OXNAD1: variants seen among roughly 807,000 people sequenced by gnomAD.
The protein encoded by OXNAD1 is oxidoreductase NAD binding domain containing 1.
In OXNAD1, 34 loss-of-function variants were observed where a neutral mutation model predicts 32.9. The ratio of observed to expected loss-of-function variants is 1.03; its 90% CI spans 0.79 to 1.38. The LOEUF (loss-of-function observed/expected upper bound fraction) is 1.38, where lower values mean the gene tolerates loss of function less well. OXNAD1 is among the 40% of genes most tolerant of loss of function. OXNAD1 has a pLI of 0.00. For synonymous variants in OXNAD1, 134 were observed against 135.2 expected (o/e 0.99, Z 0.06); for missense variants, 407 against 379.4 (o/e 1.07, Z -0.60).
chr3:16,286,204 G>A, intron 4 of OXNAD1, 138 bp from the exon 5 acceptor site: 1 of 637,536 alleles, frequency 1.6e-6, no homozygotes, highest in Non-Finnish European at 2.8e-6. Context: ...CTAAAGCAAA[G>A]TGTGTTTTAC....
intron 4 of OXNAD1, among the ~76,000 whole-genome samples, chr3:16,274,590 C>T (rs1168253257): frequency 1.3e-5 from 2 of 152,032 alleles, no homozygotes; most frequent in Admixed American, 6.5e-5. Context: ...CCTGTTCTAA[C>T]AAAATTATCT....
At position 16,344,430 on chromosome 3, in the gene OXNAD1, T is replaced by C. The variant is rs116023846; in HGVS notation, c.*31-4746T>C. On this transcript the variant is annotated intron_variant, in intron 9 of 9. Transcript: ENST00000606098. The surrounding 1 kb of genome is among the most constrained non-coding windows in gnomAD (Gnocchi z 4.4). The stretch of plus-strand genomic sequence containing the variant: ...CAGATACATTCAGAAAAGGCGGCTC[T>C]GGTTGACACTGGCATGGGTGGGTGG... 0.02 allele frequency among the ~76,000 whole-genome samples: 2,989 copies of C among 152,252 alleles called. 98 individuals carry two copies. Among genetic ancestry groups the C allele is most frequent in the African/African-American group, 0.067 (2,787 of 41,502 alleles).
Position 16,303,447 on chromosome 3 carries a change from CA to C in OXNAD1, c.828del (p.Glu277ArgfsTer12). 6.2e-7 allele frequency: 1 copy of C among 1,613,934 alleles called. No individual in the cohort carries two copies. The highest frequency in any genetic ancestry group is 8.5e-7 in the Non-Finnish European group (1 of 1,179,890). ...GAGAAGGAGATAAGAGATCATATTT[CA>C]AAAGAGACTTTGTTCTATATTTGTG... ...ITEKEIRDHI[S>X]KETLFYICGP... On this transcript the variant is annotated frameshift_variant, in exon 9 of 9. Transcript: ENST00000285083. LOFTEE classifies it high-confidence loss of function. The surrounding 1 kb of genome is among the most constrained non-coding windows in gnomAD (Gnocchi z 4.8).
At chr3:16,286,238 C>T (rs2066060802) in intron 4 of OXNAD1, 104 bp from the exon 5 acceptor site, 1 of 867,144 alleles carries the variant, frequency 1.2e-6, no homozygotes, top group Non-Finnish European at 1.8e-6. Flanking sequence ...TTTCAAAAAC[C>T]ACATCTTTGT....
At position 16,316,688 on chromosome 3, in the gene OXNAD1, G is replaced by T; in HGVS notation, c.*30+13096G>T. On this transcript the variant is annotated intron_variant, in intron 9 of 9. Transcript: ENST00000435829. The surrounding 1 kb of genome is among the most constrained non-coding windows in gnomAD (Gnocchi z 4.5). ...AGGAACCTGGCCCTGGGAGGGCTCA[G>T]GTGAGCTCACAAGGAGAGGTCAAGC... The T allele has an allele frequency of 1.1e-6, 1 of 951,668 alleles. No homozygotes were observed. The highest frequency in any genetic ancestry group is 1.6e-6 in the Non-Finnish European group (1 of 612,376). The allele number at this position is 951,668 out of a possible 1,614,324, so 59.0% of individuals were successfully genotyped here.
At chr3:16,274,759 A>G (rs905864444) in intron 4 of OXNAD1, among the ~76,000 whole-genome samples, 1 of 152,222 alleles carries the variant, frequency 6.6e-6, no homozygotes, top group African/African-American at 2.4e-5. Context: ...CGTCTGTTTC[A>G]GGTTCTTTTG....
In OXNAD1 at chr3:16,288,247, G is replaced by C. The variant is rs888977808; in HGVS notation, c.290+1799G>C. Among the ~76,000 whole-genome samples the C allele has an allele frequency of 1.3e-5, 2 of 152,154 alleles. No individual in the cohort carries two copies. The highest frequency in any genetic ancestry group is 2.1e-4 in the South Asian group (1 of 4,824). ...AGCCATGTGGTACTTTGGAGAAGAGGGCAAGGATTAGGGATAGGAAGTGAG... is the reference window on the plus strand; with the variant it reads ...AGCCATGTGGTACTTTGGAGAAGAGCGCAAGGATTAGGGATAGGAAGTGAG... On this transcript the variant is annotated intron_variant, in intron 5 of 8. Transcript: ENST00000285083. The surrounding 1 kb of genome is among the most constrained non-coding windows in gnomAD (Gnocchi z 5.1).
At chr3:16,350,822 C>A (rs2072048481), downstream of OXNAD1, among the ~76,000 whole-genome samples, 1 of 152,082 alleles carries the variant, frequency 6.6e-6, no homozygotes, top group African/African-American at 2.4e-5. Context: ...AGACTATGAT[C>A]TCAGAACCAA....
intron 1 of OXNAD1, among the ~76,000 whole-genome samples, chr3:16,267,337 T>C (rs990216914): frequency 3.9e-5 from 6 of 152,196 alleles, no homozygotes; most frequent in Non-Finnish European, 7.3e-5. Flanking sequence ...TTTAAAAATA[T>C]AAATTAGGTC....
At position 16,327,512 on chromosome 3, in the gene OXNAD1, C is replaced by T. The variant is rs1422870427; in HGVS notation, c.*31-9600C>T. On this transcript the variant is annotated intron_variant, in intron 9 of 9. Coordinates refer to the OXNAD1 transcript ENST00000435829. The surrounding 1 kb of genome is among the most constrained non-coding windows in gnomAD (Gnocchi z 4.2). ...CTGTGGCTCACGTCTGTAATCCCAG[C>T]ACTTTGGGAGGCTGAGGCAGGTGGA... 6.6e-6 allele frequency among the ~76,000 whole-genome samples: 1 copy of T among 152,062 alleles called. No individual in the cohort carries two copies. The highest frequency in any genetic ancestry group is 6.6e-5 in the Admixed American group (1 of 15,262).
intron 4 of OXNAD1, among the ~76,000 whole-genome samples, chr3:16,273,388 T>TTTTTTTTTTTTTTTTTTTTTTA (rs2065094711): frequency 6.8e-6 from 1 of 147,706 alleles, no homozygotes; most frequent in Non-Finnish European, 1.5e-5. Flanking sequence ...TTTCTTGTTT[T>TTTTTTTTTTTTTTTTTTTTTTA]TTTTTTTTTT....
At chr3:16,333,567 G>T (rs2070538348) in intron 9 of OXNAD1, among the ~76,000 whole-genome samples, 1 of 152,092 alleles carries the variant, frequency 6.6e-6, no homozygotes, top group Admixed American at 6.5e-5. Context: ...TTAATAAAAT[G>T]TTATTATTTT....
chr3:16,335,868 G>T lies in OXNAD1; in HGVS notation c.*31-1244G>T, dbSNP rs766171014. Among the ~76,000 whole-genome samples the T allele has an allele frequency of 6.6e-6, 1 of 152,174 alleles. No individual in the cohort carries two copies. Among genetic ancestry groups the T allele is most frequent in the Admixed American group, 6.5e-5 (1 of 15,278 alleles). ...AGCCTGGAAACTGGATGGATGGATG[G>T]TGAGGTCTCAGGAGGCCACAGGCAG... On this transcript the variant is annotated intron_variant, in intron 9 of 9. Coordinates refer to the OXNAD1 transcript ENST00000435829. The surrounding 1 kb of genome is among the most constrained non-coding windows in gnomAD (Gnocchi z 4.7).
chr3:16,333,651 A>AT (rs1280552399), intron 9 of OXNAD1, among the ~76,000 whole-genome samples: 28 of 152,212 alleles, frequency 1.8e-4, no homozygotes, highest in African/African-American at 6.3e-4. Context: ...AAAATGACAA[A>AT]TTTGATTACA....
rs745638619 is a variant in OXNAD1 at position 16,303,372 on chromosome 3, C to G, written c.785-36C>G. On this transcript the variant is annotated intron_variant, in intron 8 of 8. Transcript: ENST00000285083. This position sits in a 1 kb window ranked among gnomAD's most constrained non-coding sequence, Gnocchi z 4.8. ...TCCTCATTTGCTGATACAACCATGTCTGGCTTAATTTGGTGTTTATTCTGG... is the reference window on the plus strand; with the variant it reads ...TCCTCATTTGCTGATACAACCATGTGTGGCTTAATTTGGTGTTTATTCTGG... 22 of 1,608,734 alleles carry G rather than the reference C, an allele frequency of 1.4e-5. No individual in the cohort carries two copies. Among genetic ancestry groups the G allele is most frequent in the Non-Finnish European group, 1.9e-5 (22 of 1,176,728 alleles).
chr3:16,319,943 C>T lies in OXNAD1; in HGVS notation c.*30+16351C>T, dbSNP rs186306390. On this transcript the variant is annotated intron_variant, in intron 9 of 9. Transcript: ENST00000435829. Reference sequence around the variant, plus strand: ...GAGTCTCTGAGCTTAACCAGCAAGCCGCAGATAAAACAGGTTGCACTGAGT... The same window carrying T: ...GAGTCTCTGAGCTTAACCAGCAAGCTGCAGATAAAACAGGTTGCACTGAGT... Among the ~76,000 whole-genome samples, 635 of 152,064 alleles carry T rather than the reference C, an allele frequency of 4.2e-3. 2 individuals are homozygous for T. Among genetic ancestry groups the T allele is most frequent in the South Asian group, 0.015 (74 of 4,826 alleles).
chr3:16,267,605 T>A (rs1320623331), intron 1 of OXNAD1, among the ~76,000 whole-genome samples: 1 of 152,202 alleles, frequency 6.6e-6, no homozygotes, highest in Non-Finnish European at 1.5e-5. Context: ...CATTCAGATC[T>A]CAGCCAAGGT....
chr3:16,331,664 A>G (rs2070326086), intron 9 of OXNAD1, among the ~76,000 whole-genome samples: 2 of 152,080 alleles, frequency 1.3e-5, no homozygotes, highest in Non-Finnish European at 1.5e-5. Context: ...ATTTTTCCCC[A>G]CTGGAGACAT....
intron 5 of OXNAD1, among the ~76,000 whole-genome samples, chr3:16,291,894 A>G (rs1024240989): frequency 6.6e-6 from 1 of 152,128 alleles, no homozygotes; most frequent in Admixed American, 6.5e-5. Context: ...CCCTAACACT[A>G]TTGTTTGTCT....
Sources: gnomAD v4.1 joint callset for allele counts (sites outside exome capture counted in the v4.1 genomes callset) on GRCh38, gnomAD v4.1.1 for gene constraint, Gnocchi (gnomAD v3.1) non-coding constraint, MANE v1.5 for transcripts, NCBI Gene and HGNC (gene_info 2026-07-23, HGNC 2026-07-21) for gene names.